Variants in GPR158 observed in about 807,000 individuals in gnomAD.
The protein encoded by GPR158 is G protein-coupled receptor 158, also known as metabotropic glycine receptor.
In GPR158, 30 loss-of-function variants were observed where a neutral mutation model predicts 78.2. That is an observed-to-expected ratio of 0.38 (90% confidence interval 0.29 to 0.52). GPR158 has a LOEUF of 0.52. Ranked by LOEUF, GPR158 falls within the 20% of genes least tolerant of loss-of-function variation. GPR158 has a pLI of 0.83. For missense variants in GPR158, 1,463 were observed against 1,523.5 expected (o/e 0.96, Z 0.66); for synonymous variants, 581 against 591.1 (o/e 0.98, Z 0.25).
intron 2 of GPR158, among the ~76,000 whole-genome samples, chr10:25,344,472 A>G (rs1211478723): frequency 6.6e-6 from 1 of 151,908 alleles, no homozygotes; most frequent in Non-Finnish European, 1.5e-5. Context: ...AGTCACCATG[A>G]TACACAATAG....
chr10:25,235,525 A>C (rs1853508665), intron 2 of GPR158, among the ~76,000 whole-genome samples: 1 of 149,682 alleles, frequency 6.7e-6, no homozygotes, highest in Non-Finnish European at 1.5e-5. Context: ...CTTCCTCTTC[A>C]GTTCGTCATT....
chr10:25,599,016 G>C lies in GPR158; in HGVS notation c.3390G>C (p.Glu1130Asp), dbSNP rs1334018875. 3.1e-6 allele frequency: 5 copies of C among 1,614,122 alleles called. No homozygotes were observed. The highest frequency in any genetic ancestry group is 4.2e-6 in the Non-Finnish European group (5 of 1,180,014). The change falls in exon 11 of 11, where the codon GAG becomes GAC. Residue 1130 changes from glutamate to aspartate, a missense_variant. Glu to Asp is a conservative substitution (Grantham distance 45). Coordinates refer to ENST00000376351, the MANE Select transcript of GPR158 (RefSeq NM_020752.3). Reference sequence around the variant, plus strand: ...CCAAAGCTGTAGCATCAAAAACAGAGAATGAAAATCTCAACCAAATAGGAC... The same window carrying C: ...CCAAAGCTGTAGCATCAAAAACAGACAATGAAAATCTCAACCAAATAGGAC... ...LPPKAVASKT[E>D]NENLNQIGHQ... is the part of the protein sequence containing the mutation.
At chr10:25,196,841 A>G (rs1852851240) in intron 1 of GPR158, among the ~76,000 whole-genome samples, 1 of 152,188 alleles carries the variant, frequency 6.6e-6, no homozygotes, top group Non-Finnish European at 1.5e-5. Context: ...TCTGTTTAGA[A>G]GTAAGTCCTT....
intron 2 of GPR158, among the ~76,000 whole-genome samples, chr10:25,262,993 T>C (rs1213377303): frequency 6.6e-6 from 1 of 152,200 alleles, no homozygotes; most frequent in Non-Finnish European, 1.5e-5. Context: ...TCCCAGTGTG[T>C]GGCTTCTCTT....
chr10:25,233,278 A>T (rs7080343), intron 2 of GPR158, among the ~76,000 whole-genome samples: 4,471 of 152,314 alleles, frequency 0.029, 225 homozygotes, highest in African/African-American at 0.1. Flanking sequence ...AATTATCTGT[A>T]ATGAAGTGAA....
At chr10:25,189,183 G>A (rs1183039404) in intron 1 of GPR158, among the ~76,000 whole-genome samples, 1 of 152,216 alleles carries the variant, frequency 6.6e-6, no homozygotes, top group Non-Finnish European at 1.5e-5. Flanking sequence ...TACACTGTTG[G>A]TGGGACAGTA....
intron 5 of GPR158, among the ~76,000 whole-genome samples, chr10:25,547,129 TGTTTGGTGGGGAA>T (rs1263327966): frequency 1.3e-5 from 2 of 152,002 alleles, no homozygotes; most frequent in Non-Finnish European, 2.9e-5. Flanking sequence ...AATAGGAAAA[TGTTTGGTGGGGAA>T]GATGAACTTG....
At chr10:25,341,832 G>GA (rs151007147) in intron 2 of GPR158, among the ~76,000 whole-genome samples, 6,324 of 147,522 alleles carry the variant, frequency 0.043, 131 homozygotes, top group African/African-American at 0.052. Context: ...TATGTATTCT[G>GA]AAAAAAAACA....
intron 2 of GPR158, among the ~76,000 whole-genome samples, chr10:25,366,739 CT>C (rs1299002390): frequency 1.3e-5 from 2 of 151,688 alleles, no homozygotes; most frequent in Admixed American, 1.3e-4. Context: ...GTCCTTGCCC[CT>C]GGCCACTGGT....
intron 2 of GPR158, among the ~76,000 whole-genome samples, chr10:25,348,326 T>G (rs1855402734): frequency 6.7e-6 from 1 of 149,644 alleles, no homozygotes; most frequent in Non-Finnish European, 1.5e-5. Context: ...ATACAGACAA[T>G]AGAAAACATT....
intron 3 of GPR158, among the ~76,000 whole-genome samples, chr10:25,405,137 C>G (rs1162298908): frequency 1.3e-5 from 2 of 151,796 alleles, no homozygotes; most frequent in Non-Finnish European, 2.9e-5. Flanking sequence ...TAGAAGAGAC[C>G]ATTATTAGGA....
chr10:25,238,336 C>A (rs1371187255), intron 2 of GPR158, among the ~76,000 whole-genome samples: 5 of 152,200 alleles, frequency 3.3e-5, no homozygotes, highest in African/African-American at 1.2e-4. Flanking sequence ...CATCATTAGA[C>A]CGCATAATAC....
chr10:25,284,914 T>G (rs143265944), intron 2 of GPR158, among the ~76,000 whole-genome samples: 1,830 of 152,222 alleles, frequency 0.012, 27 homozygotes, highest in South Asian at 0.058. Context: ...CTTATTCTTT[T>G]TGCTATTTTA....
chr10:25,356,482 A>G lies in GPR158; in HGVS notation c.1009-39429A>G, dbSNP rs571667303. The stretch of plus-strand genomic sequence containing the variant: ...ACCCAAATCTCATCTTGTAGCTCCC[A>G]TAATTTCCACTTGTTGTGGGAGGGA... On this transcript the variant is annotated intron_variant, in intron 2 of 10. Coordinates refer to ENST00000376351, the MANE Select transcript of GPR158 (RefSeq NM_020752.3). Among the ~76,000 whole-genome samples, 28 of 152,144 alleles carry G rather than the reference A, an allele frequency of 1.8e-4. No homozygotes were observed. The South Asian group carries it at 4.4e-3, about 24-fold the overall frequency.
At chr10:25,499,219 A>G (rs533758973) in intron 5 of GPR158, among the ~76,000 whole-genome samples, 10 of 152,364 alleles carry the variant, frequency 6.6e-5, no homozygotes. Context: ...CAAAAAACCA[A>G]TAACATCGCA....
intron 4 of GPR158, among the ~76,000 whole-genome samples, chr10:25,413,157 C>A (rs1484898614): frequency 6.6e-6 from 1 of 150,468 alleles, no homozygotes; most frequent in African/African-American, 2.4e-5. Flanking sequence ...CCTGTCTCTA[C>A]AAAAAAAAAC....
intron 2 of GPR158, among the ~76,000 whole-genome samples, chr10:25,306,234 C>CTT (rs2130455469): frequency 6.6e-6 from 1 of 152,258 alleles, no homozygotes; most frequent in South Asian, 2.1e-4. Flanking sequence ...TTATTAATCA[C>CTT]TTTTATTTAT....
At chr10:25,558,385 T>C (rs1349348157) in intron 6 of GPR158, among the ~76,000 whole-genome samples, 8 of 152,232 alleles carry the variant, frequency 5.3e-5, no homozygotes, top group Non-Finnish European at 1.0e-4. Context: ...AGTGGAAATA[T>C]TTCTTTTCTT....
chr10:25,374,697 A>G (rs1299295040), intron 2 of GPR158, among the ~76,000 whole-genome samples: 2 of 151,746 alleles, frequency 1.3e-5, no homozygotes, highest in African/African-American at 4.8e-5. Flanking sequence ...AATTCATATG[A>G]GATCTGTCCA....
Sources: gnomAD v4.1 joint callset for allele counts (sites outside exome capture counted in the v4.1 genomes callset) on GRCh38, gnomAD v4.1.1 for gene constraint, MANE v1.5 for transcripts, NCBI Gene and HGNC (gene_info 2026-07-23, HGNC 2026-07-21) for gene names.